AP1AR: variants seen among roughly 807,000 people sequenced by gnomAD.
AP1AR encodes the protein adaptor related protein complex 1 associated regulatory protein.
Under a neutral mutation model 46.3 loss-of-function variants are expected in AP1AR, and 29 were observed. The ratio of observed to expected loss-of-function variants is 0.63; its 90% confidence interval spans 0.47 to 0.85. AP1AR has a LOEUF of 0.85. AP1AR is among the 40% of genes least tolerant of loss of function. The pLI is 0.00. For missense variants in AP1AR, 357 were observed against 356.3 expected (o/e 1.00, Z -0.02); for synonymous variants, 122 against 122.9 (o/e 0.99, Z 0.05).
At chr4:112,265,460 C>A in intron 7 of AP1AR, 1 of 389,292 alleles carries the variant, frequency 2.6e-6, no homozygotes, top group Non-Finnish European at 4.5e-6. Context: ...ACTACTCATT[C>A]AAAGAATATT....
At chr4:112,246,447 A>G (rs896037287) in intron 1 of AP1AR, among the ~76,000 whole-genome samples, 1 of 152,220 alleles carries the variant, frequency 6.6e-6, no homozygotes, top group Non-Finnish European at 1.5e-5. Flanking sequence ...CAGAGGTTGC[A>G]GTGAGCTGAC....
At chr4:112,257,701 A>T (rs1328659465) in intron 3 of AP1AR, 71 bp from the exon 4 acceptor site, 1 of 1,223,998 alleles carries the variant, frequency 8.2e-7, no homozygotes. Flanking sequence ...TTAAATAAAA[A>T]TTGTATTGGT....
chr4:112,253,300 A>T (rs376869435), intron 2 of AP1AR, 44 bp downstream of exon 2: 2 of 1,475,738 alleles, frequency 1.4e-6, no homozygotes, highest in Non-Finnish European at 1.9e-6. Context: ...GCCTTCAGAA[A>T]GGCGGAAGGG....
In AP1AR at chr4:112,268,845, TTAGAA is replaced by T. The variant is rs962608426; in HGVS notation, c.*440_*444del. Reference sequence around the variant, plus strand: ...TGAGGAGGGATCGTCAGATTCAGATTTAGAATAGTGTTCCCGTTTCCAGCATTATT... The same window carrying T: ...TGAGGAGGGATCGTCAGATTCAGATTTAGTGTTCCCGTTTCCAGCATTATT... On this transcript the variant is annotated 3_prime_UTR_variant, in exon 10 of 10. Coordinates refer to ENST00000274000, the MANE Select transcript of AP1AR (RefSeq NM_018569.6). The T allele has an allele frequency of 6.5e-6, 1 of 152,842 alleles. No individual in the cohort carries two copies. The highest frequency in any genetic ancestry group is 2.4e-5 in the African/African-American group (1 of 41,454). 9.5% of individuals were successfully genotyped at this position (152,842 alleles called of 1,614,324 possible).
rs756224592 is a variant in AP1AR, at chr4:112,257,808, G to GT, written c.185+13dup. On this transcript the variant is annotated intron_variant, in intron 4 of 9. Transcript: ENST00000274000. ...AGGAAGCAGTCATAGGTAAGGCTTT[G>GT]TTAAAAAAAAAAAACAAAACTTCTA... 5.5e-5 allele frequency: 84 copies of GT among 1,522,406 alleles called. No homozygotes were observed. In the Admixed American group the frequency reaches 1.8e-3, roughly 32 times the overall value. The allele number at this position is 1,522,406 out of a possible 1,614,324, so 94.3% of individuals were successfully genotyped here.
At chr4:112,238,234 A>G (rs1725337207) in intron 1 of AP1AR, among the ~76,000 whole-genome samples, 1 of 152,232 alleles carries the variant, frequency 6.6e-6, no homozygotes, top group Non-Finnish European at 1.5e-5. Context: ...CATTTGTTGA[A>G]TGAACAGCCA....
Position 112,268,425 on chromosome 4 carries a change from C to A in AP1AR, c.*16C>A, listed in dbSNP as rs769416777. ...GACTCGATAGGGTAAAATTGTGTGA[C>A]CTTGTTTATCAGTTATGACCAAATG... is the stretch of plus-strand genomic sequence containing the variant. On this transcript the variant is annotated 3_prime_UTR_variant, in exon 10 of 10. Coordinates refer to ENST00000274000, the MANE Select transcript of AP1AR (RefSeq NM_018569.6). The A allele has an allele frequency of 3.4e-5, 53 of 1,560,264 alleles. No homozygotes were observed. The South Asian group carries it at 5.3e-4, about 15-fold the overall frequency.
At chr4:112,249,463 C>T (rs1239656286) in intron 1 of AP1AR, among the ~76,000 whole-genome samples, 1 of 151,646 alleles carries the variant, frequency 6.6e-6, no homozygotes. Context: ...AGTTTGAGAC[C>T]AGCCTGGCCA....
chr4:112,249,486 G>A (rs771655818), intron 1 of AP1AR, among the ~76,000 whole-genome samples: 7 of 151,360 alleles, frequency 4.6e-5, no homozygotes, highest in South Asian at 2.1e-4. Flanking sequence ...GTGAAACTCC[G>A]TCTGTACTAA....
chr4:112,249,377 A>G (rs1329342041), intron 1 of AP1AR, among the ~76,000 whole-genome samples: 1 of 149,184 alleles, frequency 6.7e-6, no homozygotes, highest in Non-Finnish European at 1.5e-5. Flanking sequence ...AAAAATGTAT[A>G]GGCTTGGTGC....
intron 3 of AP1AR, 45 bp from the exon 4 acceptor site, chr4:112,257,727 T>C: frequency 7.1e-7 from 1 of 1,409,176 alleles, no homozygotes; most frequent in South Asian, 1.3e-5. Flanking sequence ...TAAATAGAAT[T>C]TAGCTAATGA....
intron 1 of AP1AR, among the ~76,000 whole-genome samples, chr4:112,241,445 T>G (rs1415554021): frequency 6.6e-6 from 1 of 152,220 alleles, no homozygotes; most frequent in Admixed American, 6.5e-5. Flanking sequence ...TAAGTCTCAG[T>G]TCATGGGCGG....
intron 1 of AP1AR, among the ~76,000 whole-genome samples, chr4:112,241,618 C>A (rs762358153): frequency 3.2e-4 from 49 of 152,192 alleles, no homozygotes; most frequent in Non-Finnish European, 6.2e-4. Context: ...AAATGCGAGT[C>A]TGTTCTCTAA....
In AP1AR at chr4:112,253,472, G is replaced by A. The variant is rs532657882; in HGVS notation, c.132+216G>A. 2.0e-5 allele frequency among the ~76,000 whole-genome samples: 3 copies of A among 152,266 alleles called. No homozygotes were observed. In the South Asian group the frequency reaches 6.2e-4, roughly 32 times the overall value. On this transcript the variant is annotated intron_variant, in intron 2 of 9. Coordinates refer to ENST00000274000, the MANE Select transcript of AP1AR (RefSeq NM_018569.6). Reference sequence around the variant, plus strand: ...GGATTATGGTTCTGTTTTTCTAATAGCTTTTTCCCCCACCCTATAAGTCAG... The same window carrying A: ...GGATTATGGTTCTGTTTTTCTAATAACTTTTTCCCCCACCCTATAAGTCAG...
intron 1 of AP1AR, among the ~76,000 whole-genome samples, chr4:112,235,497 A>G (rs973222748): frequency 6.6e-6 from 1 of 152,196 alleles, no homozygotes; most frequent in Non-Finnish European, 1.5e-5. Flanking sequence ...ATTCCTAGTA[A>G]AAATGATTTT....
At position 112,272,672 on chromosome 4, in the gene AP1AR, C is replaced by CT. The variant is rs887660173; in HGVS notation, c.*4271dup. ...TCCCCCTTCGTTCCATCCAAGTGTA[C>CT]TTTTTTTTGCTTCAATAAACTCTTG... On this transcript the variant is annotated 3_prime_UTR_variant, in exon 10 of 10. Coordinates refer to ENST00000274000, the MANE Select transcript of AP1AR (RefSeq NM_018569.6). Among the ~76,000 whole-genome samples, 116 of 152,018 alleles carry CT rather than the reference C, an allele frequency of 7.6e-4. No individual in the cohort carries two copies. The highest frequency in any genetic ancestry group is 2.4e-3 in the African/African-American group (100 of 41,456).
At chr4:112,241,387 C>T (rs1282104332) in intron 1 of AP1AR, among the ~76,000 whole-genome samples, 1 of 152,102 alleles carries the variant, frequency 6.6e-6, no homozygotes, top group African/African-American at 2.4e-5. Flanking sequence ...GAGATTAAGT[C>T]CCACAATCTG....
chr4:112,250,249 A>G (rs1725897740), intron 1 of AP1AR, among the ~76,000 whole-genome samples: 1 of 152,254 alleles, frequency 6.6e-6, no homozygotes, highest in African/African-American at 2.4e-5. Context: ...AGTTTATTAT[A>G]GGAAACATTG....
At chr4:112,267,262 T>C (rs913081547) in intron 9 of AP1AR, among the ~76,000 whole-genome samples, 1 of 151,954 alleles carries the variant, frequency 6.6e-6, no homozygotes, top group Non-Finnish European at 1.5e-5. Flanking sequence ...TCATTAAATG[T>C]GTCTGGGAAT....
Sources: allele counts gnomAD v4.1 joint callset (sites outside exome capture counted in the v4.1 genomes callset), GRCh38; gene constraint gnomAD v4.1.1; transcripts MANE v1.5; gene names NCBI Gene and HGNC (gene_info 2026-07-23, HGNC 2026-07-21).